The following GNPDA2 variants were observed in gnomAD, a reference collection of about 807,000 sequenced individuals.
GNPDA2 encodes glucosamine-6-phosphate deaminase 2.
A neutral mutation model predicts 27.0 loss-of-function variants in GNPDA2; 24 were observed. The ratio of observed to expected loss-of-function variants is 0.89; its 90% CI spans 0.64 to 1.25. GNPDA2 has a LOEUF of 1.25. Ranked by LOEUF, GNPDA2 falls within the 50% of genes most tolerant of loss-of-function variation. The pLI, the probability that GNPDA2 is intolerant of heterozygous loss-of-function variation, is 0.00. For missense variants in GNPDA2, 286 were observed against 335.1 expected (o/e 0.85, Z 1.14); for synonymous variants, 94 against 108.4 (o/e 0.87, Z 0.83).
In GNPDA2 at chr4:44,702,300, G is replaced by T; in HGVS notation, c.*781C>A. 1 of 652,464 alleles carries T rather than the reference G, an allele frequency of 1.5e-6. No individual in the cohort carries two copies. Among genetic ancestry groups the T allele is most frequent in the Non-Finnish European group, 1.9e-6 (1 of 525,948 alleles). 40.4% of individuals were successfully genotyped at this position (652,464 alleles called of 1,614,324 possible). ...CATTTTATAAGGAATAAAGCTAATTGTATATTAAGTTTAACAATAATCAGA... is the reference window on the plus strand; with the variant it reads ...CATTTTATAAGGAATAAAGCTAATTTTATATTAAGTTTAACAATAATCAGA... On this transcript the variant is annotated 3_prime_UTR_variant, in exon 7 of 7. Coordinates refer to ENST00000295448, the MANE Select transcript of GNPDA2 (RefSeq NM_138335.3).
chr4:44,715,418 CT>C (rs1717224749), intron 4 of GNPDA2, among the ~76,000 whole-genome samples: 1 of 152,076 alleles, frequency 6.6e-6, no homozygotes, highest in South Asian at 2.1e-4. Flanking sequence ...CAAGCAGCCA[CT>C]TTTAATAATG....
In GNPDA2 at chr4:44,726,531, C is replaced by T. The variant is rs1013370920; in HGVS notation, c.-93G>A. 8 of 152,406 alleles carry T rather than the reference C, an allele frequency of 5.2e-5. No homozygotes were observed. Among genetic ancestry groups the T allele is most frequent in the African/African-American group, 1.9e-4 (8 of 41,482 alleles). The allele number at this position is 152,406 out of a possible 1,614,324, so 9.4% of individuals were successfully genotyped here. ...AGCGGGAACAAGCAACACCCAACCA[C>T]CCGAGAGCGACCCCAGCTGACCAGT... On this transcript the variant is annotated 5_prime_UTR_variant, in exon 1 of 7. The change creates a new upstream start codon in the 5' untranslated region. Transcript: ENST00000295448.
chr4:44,716,299 G>A (rs1401620350), intron 4 of GNPDA2, among the ~76,000 whole-genome samples: 1 of 151,856 alleles, frequency 6.6e-6, no homozygotes, highest in Non-Finnish European at 1.5e-5. Context: ...TTTGATCAGT[G>A]TTCTATTAAG....
intron 6 of GNPDA2, chr4:44,705,892 ATAAG>A (rs1560356527): frequency 6.6e-6 from 1 of 151,986 alleles, no homozygotes; most frequent in Non-Finnish European, 1.5e-5. Context: ...AAGTAAATCA[ATAAG>A]TAAAATGCAT....
chr4:44,717,378 T>G (rs1486967270), intron 3 of GNPDA2, 83 bp from the exon 4 acceptor site: 9 of 723,044 alleles, frequency 1.2e-5, no homozygotes, highest in Non-Finnish European at 1.9e-5. Flanking sequence ...AAGTGCTATT[T>G]AATAAATCTA....
intron 1 of GNPDA2, among the ~76,000 whole-genome samples, chr4:44,724,908 T>C (rs528858360): frequency 6.6e-6 from 1 of 152,276 alleles, no homozygotes; most frequent in East Asian, 1.9e-4. Context: ...TAATCCATAA[T>C]CTAATGTCAA....
At chr4:44,724,572 T>C (rs971060730) in intron 1 of GNPDA2, among the ~76,000 whole-genome samples, 2 of 105,692 alleles carry the variant, frequency 1.9e-5, no homozygotes, top group Admixed American at 8.9e-5. Flanking sequence ...TTAATTCTTA[T>C]TTTTATATTA....
intron 5 of GNPDA2, 83 bp downstream of exon 5, chr4:44,710,870 T>C (rs373590544): frequency 2.5e-5 from 28 of 1,098,352 alleles, no homozygotes; most frequent in South Asian, 1.3e-4. Context: ...AATCAAAATA[T>C]CACTTATTCA....
At position 44,702,780 on chromosome 4, in the gene GNPDA2, A is replaced by G. The variant is rs1716354998; in HGVS notation, c.*301T>C. 8.3e-7 allele frequency: 1 copy of G among 1,200,034 alleles called. No individual in the cohort carries two copies. The highest frequency in any genetic ancestry group is 1.0e-6 in the Non-Finnish European group (1 of 966,412). The allele number at this position is 1,200,034 out of a possible 1,614,324, so 74.3% of individuals were successfully genotyped here. On this transcript the variant is annotated 3_prime_UTR_variant, in exon 7 of 7. Transcript: ENST00000295448. ...ATCACAAATGGTGCCTGATGTGGAC[A>G]CTCTACCTTTAAAATGACTTTTTAA...
At position 44,702,440 on chromosome 4, in the gene GNPDA2, G is replaced by A. The variant is rs1236339661; in HGVS notation, c.*641C>T. Reference sequence around the variant, plus strand: ...GTCGTTAAATAAAAATAAGATATTTGTAAAAAAGTGCTATAGAAGAAGGTG... The same window carrying A: ...GTCGTTAAATAAAAATAAGATATTTATAAAAAAGTGCTATAGAAGAAGGTG... On this transcript the variant is annotated 3_prime_UTR_variant, in exon 7 of 7. Transcript: ENST00000295448. The A allele has an allele frequency of 4.1e-6, 4 of 974,296 alleles. No homozygotes were observed. The highest frequency in any genetic ancestry group is 1.1e-4 in the East Asian group (1 of 8,740). The allele number at this position is 974,296 out of a possible 1,614,324, so 60.4% of individuals were successfully genotyped here.
chr4:44,707,605 G>T, intron 6 of GNPDA2, 147 bp downstream of exon 6: 2 of 573,874 alleles, frequency 3.5e-6, no homozygotes, highest in South Asian at 2.9e-5. Context: ...TATCTGAGGT[G>T]AGAACTTTCC....
chr4:44,703,848 A>AT (rs1716425170), intron 6 of GNPDA2: 1 of 984,848 alleles, frequency 1.0e-6, no homozygotes, highest in African/African-American at 1.7e-5. Context: ...CCTCAGTACT[A>AT]TATTTCTTTG....
chr4:44,702,502 G>A lies in GNPDA2; in HGVS notation c.*579C>T. ...TGCACTTACACATACTTTCCAAAAG[G>A]ATGTAAACTGTACTTTTAGGCACTG... On this transcript the variant is annotated 3_prime_UTR_variant, in exon 7 of 7. Coordinates refer to ENST00000295448, the MANE Select transcript of GNPDA2 (RefSeq NM_138335.3). 4 of 984,686 alleles carry A rather than the reference G, an allele frequency of 4.1e-6. No homozygotes were observed. Among genetic ancestry groups the A allele is most frequent in the Non-Finnish European group, 3.6e-6 (3 of 828,898 alleles). The allele number at this position is 984,686 out of a possible 1,614,324, so 61.0% of individuals were successfully genotyped here. A position where few individuals can be genotyped will look rare whatever the true frequency, so the allele number is the denominator to read the frequency against.
chr4:44,718,941 C>A (rs1717497460), intron 2 of GNPDA2, among the ~76,000 whole-genome samples: 1 of 152,036 alleles, frequency 6.6e-6, no homozygotes, highest in Admixed American at 6.6e-5. Context: ...CTTTTGATAA[C>A]TTCAGCATGC....
At chr4:44,720,576 A>G (rs1417682334) in intron 2 of GNPDA2, among the ~76,000 whole-genome samples, 1 of 152,162 alleles carries the variant, frequency 6.6e-6, no homozygotes, top group African/African-American at 2.4e-5. Flanking sequence ...GTGAGTAAAT[A>G]TAAAATTGAA....
intron 6 of GNPDA2, chr4:44,706,445 T>C (rs940873389): frequency 6.6e-6 from 1 of 151,982 alleles, no homozygotes; most frequent in South Asian, 2.1e-4. Flanking sequence ...ATACAAAGCA[T>C]GATCAGCATT....
Position 44,702,684 on chromosome 4 carries a change from T to C in GNPDA2, c.*397A>G, listed in dbSNP as rs1716350393. 2.9e-6 allele frequency: 3 copies of C among 1,030,966 alleles called. No homozygotes were observed. Among genetic ancestry groups the C allele is most frequent in the East Asian group, 2.1e-4 (2 of 9,430 alleles). 63.9% of individuals were successfully genotyped at this position (1,030,966 alleles called of 1,614,324 possible). A position where few individuals can be genotyped will look rare whatever the true frequency, so the allele number is the denominator to read the frequency against. On this transcript the variant is annotated 3_prime_UTR_variant, in exon 7 of 7. Transcript: ENST00000295448. ...GCATTCCAAAAGTGAAGGTCTGCAA[T>C]GATAGTTTGTTATCTGAAAGGTTTG...
intron 5 of GNPDA2, among the ~76,000 whole-genome samples, chr4:44,708,839 G>A (rs1444036801): frequency 6.6e-6 from 1 of 151,956 alleles, no homozygotes; most frequent in Non-Finnish European, 1.5e-5. Flanking sequence ...TAAAATGGGA[G>A]GAAATACTCT....
chr4:44,709,812 AATGAAAAAT>A (rs1314965039), intron 5 of GNPDA2, among the ~76,000 whole-genome samples: 1 of 151,836 alleles, frequency 6.6e-6, no homozygotes, highest in African/African-American at 2.4e-5. Flanking sequence ...AAAAAAAAAA[AATGAAAAAT>A]TGAAAAATCA....
Sources: allele counts gnomAD v4.1 joint callset (sites outside exome capture counted in the v4.1 genomes callset), GRCh38; gene constraint gnomAD v4.1.1; transcripts MANE v1.5; gene names NCBI Gene and HGNC (gene_info 2026-07-23, HGNC 2026-07-21).